CCDC171: variants seen among roughly 807,000 people sequenced by gnomAD.
The protein encoded by CCDC171 is coiled-coil domain-containing protein 171.
Under a neutral mutation model 168.2 loss-of-function variants are expected in CCDC171, and 177 were observed. The observed-to-expected ratio is 1.05, with a 90% CI of 0.93 to 1.19. CCDC171 has a LOEUF of 1.19. Ranked by LOEUF, CCDC171 falls within the 50% of genes most tolerant of loss-of-function variation. The probability of loss-of-function intolerance (pLI) is 0.00; values close to 1 mark genes in which losing one functional copy is unlikely to be tolerated. For missense variants in CCDC171, 1,991 were observed against 1,539.0 expected (o/e 1.29, Z -4.91); for synonymous variants, 687 against 540.8 (o/e 1.27, Z -3.75).
At chr9:16,090,313 C>T in the CCDC171 span, among the ~76,000 whole-genome samples, 1 of 152,030 alleles carries the variant, frequency 6.6e-6, no homozygotes, top group Non-Finnish European at 1.5e-5. Context: ...AGCAAACTAA[C>T]ACAGGAACAG....
At chr9:15,560,084 T>C (rs1045344350) in intron 1 of CCDC171, among the ~76,000 whole-genome samples, 6 of 152,132 alleles carry the variant, frequency 3.9e-5, no homozygotes, top group Non-Finnish European at 8.8e-5. Flanking sequence ...GCTTGTAGAG[T>C]TTCTGCTGAG....
At chr9:15,629,780 A>T (rs1194800255) in intron 7 of CCDC171, among the ~76,000 whole-genome samples, 1 of 152,212 alleles carries the variant, frequency 6.6e-6, no homozygotes, top group African/African-American at 2.4e-5. Context: ...CCAGAGAGAA[A>T]GGTTGGGTTA....
intron 21 of CCDC171, among the ~76,000 whole-genome samples, chr9:15,791,570 A>C (rs1284047519): frequency 2.6e-5 from 4 of 152,092 alleles, no homozygotes; most frequent in South Asian, 2.1e-4. Context: ...CTCTTTTCCT[A>C]ATTGAATACC....
rs377313812 is a variant in CCDC171, at chr9:15,744,318, A to G, written c.2095A>G (p.Ile699Val). Reference sequence around the variant, plus strand: ...AAAAAACATGGAAAAATTGAACCATATTGAGAAGTCACATGAACAGTTGGT... The same window carrying G: ...AAAAAACATGGAAAAATTGAACCATGTTGAGAAGTCACATGAACAGTTGGT... ...AEKNMEKLNH[I>V]EKSHEQLVLE... The change falls in exon 17 of 26, where the codon ATT becomes GTT. Residue 699 changes from isoleucine to valine, a missense_variant. By Grantham distance (29) the Ile-to-Val change is conservative. Transcript: ENST00000380701. 8.7e-6 allele frequency: 14 copies of G among 1,610,678 alleles called. No homozygotes were observed. The African/African-American group carries it at 1.9e-4, about 22-fold the overall frequency.
At chr9:15,940,929 G>T (rs1028896955) in intron 25 of CCDC171, among the ~76,000 whole-genome samples, 3 of 151,946 alleles carry the variant, frequency 2.0e-5, no homozygotes, top group Admixed American at 1.3e-4. Flanking sequence ...ATATGATCTT[G>T]GGTGATTAAC....
In CCDC171 at chr9:15,920,702, G is replaced by A. The variant is rs530348672; in HGVS notation, c.3753+280G>A. 2.6e-5 allele frequency among the ~76,000 whole-genome samples: 4 copies of A among 151,758 alleles called. No homozygotes were observed. The East Asian group carries it at 7.7e-4, about 29-fold the overall frequency. On this transcript the variant is annotated intron_variant, in intron 25 of 25. Transcript: ENST00000380701. ...GGCAGTGCAGCTGACAGTTGAATTT[G>A]GCAGTATGCATAGTTAAAGCTTGCA...
intron 18 of CCDC171, among the ~76,000 whole-genome samples, chr9:15,773,897 C>T (rs1462736572): frequency 6.6e-6 from 1 of 152,096 alleles, no homozygotes; most frequent in Non-Finnish European, 1.5e-5. Context: ...ATACATCCGA[C>T]AAAGGACTAA....
At chr9:16,060,178 A>T (rs1000580623) in intron 1 of CCDC171, among the ~76,000 whole-genome samples, 10 of 152,320 alleles carry the variant, frequency 6.6e-5, no homozygotes, top group Non-Finnish European at 7.4e-5. Context: ...ACCTGCACTC[A>T]GATGGCAATT....
intron 21 of CCDC171, among the ~76,000 whole-genome samples, chr9:15,836,999 T>C (rs2060480983): frequency 6.6e-6 from 1 of 152,236 alleles, no homozygotes; most frequent in Admixed American, 6.5e-5. Flanking sequence ...TTGGTGTAAC[T>C]TGACATTTTA....
chr9:16,102,637 CTT>C, the CCDC171 span, among the ~76,000 whole-genome samples: 1 of 152,102 alleles, frequency 6.6e-6, no homozygotes, highest in South Asian at 2.1e-4. Context: ...ACTCGGATAT[CTT>C]TTTTAAAAGG....
intron 6 of CCDC171, among the ~76,000 whole-genome samples, chr9:15,595,312 C>G (rs575469883): frequency 6.6e-6 from 1 of 152,276 alleles, no homozygotes; most frequent in South Asian, 2.1e-4. Flanking sequence ...CCTGACCCCA[C>G]AACAGGCCCT....
At chr9:15,684,723 A>G (rs2050264406) in intron 10 of CCDC171, among the ~76,000 whole-genome samples, 1 of 152,228 alleles carries the variant, frequency 6.6e-6, no homozygotes, top group Admixed American at 6.5e-5. Context: ...TGAGAGGTAT[A>G]GTATCCCAAG....
At chr9:15,810,579 T>A (rs1256391449) in intron 21 of CCDC171, among the ~76,000 whole-genome samples, 1 of 152,144 alleles carries the variant, frequency 6.6e-6, no homozygotes, top group Non-Finnish European at 1.5e-5. Flanking sequence ...GGCGACAATT[T>A]GAGCACGGTG....
At chr9:15,733,841 T>C (rs2054307997) in intron 16 of CCDC171, among the ~76,000 whole-genome samples, 1 of 152,158 alleles carries the variant, frequency 6.6e-6, no homozygotes. Context: ...CAGTCACGGC[T>C]CACTGCAGCC....
chr9:15,679,192 A>T (rs745332315), intron 10 of CCDC171, among the ~76,000 whole-genome samples: 1 of 152,114 alleles, frequency 6.6e-6, no homozygotes, highest in African/African-American at 2.4e-5. Flanking sequence ...AGTATTACTT[A>T]GATTAAGGGT....
At chr9:15,792,488 C>G (rs2058320457) in intron 21 of CCDC171, among the ~76,000 whole-genome samples, 1 of 152,110 alleles carries the variant, frequency 6.6e-6, no homozygotes, top group Admixed American at 6.6e-5. Flanking sequence ...CAAAGATACT[C>G]CTTGAGAAGA....
intron 7 of CCDC171, among the ~76,000 whole-genome samples, chr9:15,627,671 T>C (rs943727824): frequency 2.0e-5 from 3 of 152,250 alleles, no homozygotes; most frequent in Non-Finnish European, 4.4e-5. Flanking sequence ...GAATGCACTG[T>C]GGTCTTAGAG....
intron 6 of CCDC171, among the ~76,000 whole-genome samples, chr9:15,595,524 G>A (rs956494937): frequency 6.6e-6 from 1 of 151,950 alleles, no homozygotes; most frequent in Non-Finnish European, 1.5e-5. Context: ...TATATGTGCT[G>A]CATTTTCTTA....
At position 15,871,604 on chromosome 9, in the gene CCDC171, C is replaced by T. The variant is rs989902171; in HGVS notation, c.3469-2928C>T. On this transcript the variant is annotated intron_variant, in intron 23 of 25. Transcript: ENST00000380701. ...TAAGCTGTACTTCCTAAAGAAATTC[C>T]AAATTATCTCTCTTTTAATATGTTA... 6.9e-4 allele frequency among the ~76,000 whole-genome samples: 105 copies of T among 151,750 alleles called. 1 individual carries two copies. The highest frequency in any genetic ancestry group is 2.3e-3 in the African/African-American group (96 of 41,374).
Sources: allele counts gnomAD v4.1 joint callset (sites outside exome capture counted in the v4.1 genomes callset), GRCh38; gene constraint gnomAD v4.1.1; transcripts MANE v1.5; gene names NCBI Gene and HGNC (gene_info 2026-07-23, HGNC 2026-07-21).